The following WNT7B variants were observed in gnomAD, a reference collection of about 807,000 sequenced individuals.
WNT7B encodes protein Wnt-7b.
WNT7B carries 19 observed loss-of-function variants against 38.2 expected under a neutral mutation model. That is an observed-to-expected ratio of 0.50 (90% CI 0.35 to 0.73). The LOEUF (loss-of-function observed/expected upper bound fraction) is 0.73. WNT7B is among the 30% of genes least tolerant of loss of function. WNT7B has a pLI of 0.01. For missense variants in WNT7B, 423 were observed against 507.9 expected, an observed-to-expected ratio of 0.83 and a Z score of 1.61; for synonymous variants, 243 against 209.3, an observed-to-expected ratio of 1.16 and a Z score of -1.39.
chr22:45,927,359 AGGGCGG>A (rs997418249), intron 3 of WNT7B: 2 of 1,478,182 alleles, frequency 1.4e-6, no homozygotes, highest in Admixed American at 2.1e-5. Context: ...AAGTGGGGGC[AGGGCGG>A]GGGCGGGCCT....
intron 3 of WNT7B, among the ~76,000 whole-genome samples, chr22:45,928,406 G>A (rs899618268): frequency 1.3e-5 from 2 of 152,198 alleles, no homozygotes; most frequent in East Asian, 1.9e-4. Context: ...ACAGGGTCGG[G>A]GCAGTGAGGA....
chr22:45,960,318 C>G (rs1932167367), intron 1 of WNT7B, among the ~76,000 whole-genome samples: 1 of 152,220 alleles, frequency 6.6e-6, no homozygotes, highest in Admixed American at 6.5e-5. Context: ...TCCCACCCAC[C>G]AGCCCCCTCT....
chr22:45,934,713 T>C lies in WNT7B; in HGVS notation c.299-3344A>G, dbSNP rs184178839. ...CCTCCCGCAAGCGCCTGCTCTCACC[T>C]GGCTATGCCTGCCCCAGGCTCAGAC... On this transcript the variant is annotated intron_variant, in intron 2 of 3. Coordinates refer to ENST00000339464, the MANE Select transcript of WNT7B (RefSeq NM_058238.3). Among the ~76,000 whole-genome samples, 422 of 152,338 alleles carry C rather than the reference T, an allele frequency of 2.8e-3. 3 individuals are homozygous for C. Among genetic ancestry groups the C allele is most frequent in the African/African-American group, 9.6e-3 (401 of 41,586 alleles).
At chr22:45,973,614 C>T (rs991109104) in intron 1 of WNT7B, among the ~76,000 whole-genome samples, 5 of 152,216 alleles carry the variant, frequency 3.3e-5, no homozygotes, top group Admixed American at 6.5e-5. Context: ...AGACTCCAGA[C>T]GGGCTCCTCT....
chr22:45,925,697 C>T, intron 3 of WNT7B: 1 of 985,436 alleles, frequency 1.0e-6, no homozygotes, highest in Middle Eastern at 5.2e-4. Flanking sequence ...GTCCCTGGCC[C>T]TGGCCACACG....
intron 1 of WNT7B, among the ~76,000 whole-genome samples, chr22:45,974,540 T>C (rs1406589267): frequency 2.6e-5 from 4 of 151,222 alleles, no homozygotes; most frequent in Non-Finnish European, 5.9e-5. Context: ...CTGCTTGCCA[T>C]TCCACAGGGT....
chr22:45,952,900 A>G (rs902924636), intron 1 of WNT7B, among the ~76,000 whole-genome samples: 4 of 152,162 alleles, frequency 2.6e-5, no homozygotes, highest in African/African-American at 7.2e-5. Flanking sequence ...TAGAGGCCTC[A>G]TGGGGTCTGG....
intron 3 of WNT7B, chr22:45,926,681 C>G (rs768836283): frequency 1.6e-4 from 161 of 982,140 alleles, no homozygotes; most frequent in Middle Eastern, 5.2e-4. Context: ...ACCTCCCATG[C>G]TGGCCGGTCC....
At chr22:45,923,447 G>C (rs1392135446) in intron 3 of WNT7B, 112 bp from the exon 4 acceptor site, 6 of 1,431,782 alleles carry the variant, frequency 4.2e-6, no homozygotes, top group Non-Finnish European at 9.2e-7. Flanking sequence ...CCCTTGGGCT[G>C]TGTGACCACA....
chr22:45,952,035 G>A (rs1931945045), intron 1 of WNT7B, among the ~76,000 whole-genome samples: 1 of 152,192 alleles, frequency 6.6e-6, no homozygotes, highest in Non-Finnish European at 1.5e-5. Context: ...CTGGTTTCAG[G>A]CAGACCCGCA....
intron 2 of WNT7B, among the ~76,000 whole-genome samples, chr22:45,941,181 A>G (rs900543002): frequency 6.6e-6 from 1 of 152,196 alleles, no homozygotes; most frequent in Non-Finnish European, 1.5e-5. Context: ...TAACGGGATT[A>G]GCAAGTGGAT....
chr22:45,928,094 C>T (rs538732723), intron 3 of WNT7B, among the ~76,000 whole-genome samples: 3 of 152,298 alleles, frequency 2.0e-5, no homozygotes, highest in South Asian at 2.1e-4. Context: ...CTTGGGGCCC[C>T]AGAGCTGAGA....
intron 3 of WNT7B, chr22:45,926,572 G>C: frequency 6.1e-6 from 6 of 985,396 alleles, no homozygotes; most frequent in Non-Finnish European, 7.2e-6. Flanking sequence ...CCTGGCGTCC[G>C]ATATTCCGGC....
At chr22:45,925,015 G>A in intron 3 of WNT7B, 1 of 958,024 alleles carries the variant, frequency 1.0e-6, no homozygotes, top group Non-Finnish European at 1.2e-6. Flanking sequence ...GTCTCATCAG[G>A]CAGGTGCTGG....
chr22:45,935,792 G>A, intron 2 of WNT7B: 5 of 982,392 alleles, frequency 5.1e-6, no homozygotes, highest in Non-Finnish European at 6.0e-6. Flanking sequence ...AGCCTTCAAA[G>A]CAGGAAGGGA....
At chr22:45,926,245 G>A (rs1243595066) in intron 3 of WNT7B, 16 of 985,294 alleles carry the variant, frequency 1.6e-5, no homozygotes, top group Non-Finnish European at 1.9e-5. Context: ...CAGCAATGGT[G>A]GTGCCAGCAC....
intron 1 of WNT7B, among the ~76,000 whole-genome samples, chr22:45,968,586 G>A (rs574832595): frequency 2.0e-5 from 3 of 152,352 alleles, no homozygotes; most frequent in African/African-American, 7.2e-5. Flanking sequence ...CAACCGTGGA[G>A]TCCAGCGTCA....
intron 2 of WNT7B, among the ~76,000 whole-genome samples, chr22:45,937,744 C>T (rs1361215984): frequency 2.6e-5 from 4 of 152,352 alleles, no homozygotes; most frequent in Middle Eastern, 3.4e-3. Flanking sequence ...CAGCGGCTCA[C>T]GCCTATAATC....
chr22:45,957,036 T>G (rs1343079275), intron 1 of WNT7B, among the ~76,000 whole-genome samples: 1 of 150,166 alleles, frequency 6.7e-6, no homozygotes, highest in Admixed American at 6.7e-5. Flanking sequence ...AACCAGGCAG[T>G]TGGAGGTTGC....
Sources: allele counts gnomAD v4.1 joint callset (sites outside exome capture counted in the v4.1 genomes callset), GRCh38; gene constraint gnomAD v4.1.1; transcripts MANE v1.5; gene names NCBI Gene and HGNC (gene_info 2026-07-23, HGNC 2026-07-21).